SLC6A11: variants seen among roughly 807,000 people sequenced by gnomAD.
The protein encoded by SLC6A11 is solute carrier family 6 member 11, also known as sodium- and chloride-dependent GABA transporter 3.
In SLC6A11, 25 loss-of-function variants were observed where a neutral mutation model predicts 74.8. The observed-to-expected ratio is 0.33, with a 90% confidence interval of 0.24 to 0.47. SLC6A11 has a LOEUF of 0.47. Among genes scored for constraint, SLC6A11 ranks in the 20% least tolerant of loss-of-function variants. The pLI is 1.00. For synonymous variants in SLC6A11, 330 were observed against 330.2 expected (o/e 1.00, Z 0.01); for missense variants, 574 against 837.0 (o/e 0.69, Z 3.88).
chr3:10,870,615 A>G (rs966281396), intron 5 of SLC6A11, among the ~76,000 whole-genome samples: 5 of 152,214 alleles, frequency 3.3e-5, no homozygotes, highest in African/African-American at 1.2e-4. Flanking sequence ...GATGATGTCC[A>G]AGTGTCTGGC....
At chr3:10,885,301 A>G (rs1695029549) in intron 6 of SLC6A11, among the ~76,000 whole-genome samples, 1 of 152,146 alleles carries the variant, frequency 6.6e-6, no homozygotes, top group African/African-American at 2.4e-5. Flanking sequence ...GCAGGTCTGT[A>G]GAAATCTGGA....
chr3:10,839,341 A>G (rs949853006), intron 4 of SLC6A11, among the ~76,000 whole-genome samples: 1 of 152,132 alleles, frequency 6.6e-6, no homozygotes, highest in Non-Finnish European at 1.5e-5. Flanking sequence ...CCCCTGACCC[A>G]GTCTACTCTA....
chr3:10,913,040 G>A (rs1695408423), intron 7 of SLC6A11, among the ~76,000 whole-genome samples: 2 of 147,534 alleles, frequency 1.4e-5, no homozygotes, highest in Admixed American at 7.2e-5. Flanking sequence ...GTGGAGAAAG[G>A]AAGGAAGGTT....
chr3:10,830,577 T>G (rs971930), intron 4 of SLC6A11, among the ~76,000 whole-genome samples: 86,111 of 151,904 alleles, frequency 0.57, 27,156 homozygotes, highest in African/African-American at 0.82. Context: ...AGTCAGCAGG[T>G]TTAGGGGGCA....
At chr3:10,839,836 G>A (rs1183657990) in intron 4 of SLC6A11, among the ~76,000 whole-genome samples, 1 of 152,118 alleles carries the variant, frequency 6.6e-6, no homozygotes, top group Non-Finnish European at 1.5e-5. Flanking sequence ...CTTGCTCAGC[G>A]AAAGACCCAC....
intron 7 of SLC6A11, among the ~76,000 whole-genome samples, chr3:10,917,025 T>C (rs966456010): frequency 6.6e-6 from 1 of 152,174 alleles, no homozygotes. Context: ...AGAGTCCTGG[T>C]GTGTTGTTGA....
At chr3:10,935,366 G>T in intron 13 of SLC6A11, 167 bp downstream of exon 13, 1 of 621,558 alleles carries the variant, frequency 1.6e-6, no homozygotes, top group East Asian at 2.8e-5. Flanking sequence ...TGTGCCCAAG[G>T]TGTCTCTGTG....
intron 5 of SLC6A11, among the ~76,000 whole-genome samples, chr3:10,846,785 A>G (rs1224049745): frequency 6.6e-6 from 1 of 152,036 alleles, no homozygotes; most frequent in Non-Finnish European, 1.5e-5. Flanking sequence ...CGCTGCCTCT[A>G]CCTTACCAGT....
chr3:10,881,738 C>T (rs1013123405), intron 6 of SLC6A11, among the ~76,000 whole-genome samples: 5 of 152,124 alleles, frequency 3.3e-5, no homozygotes, highest in East Asian at 1.9e-4. Flanking sequence ...GAGGAGAGTC[C>T]GTTGGCACCT....
rs780162860 is a variant in SLC6A11, at chr3:10,819,765, A to G, written c.445A>G (p.Ile149Val). Residue 149 changes from isoleucine to valine, a missense_variant, in exon 3 of 14, where the codon ATC becomes GTC. Physicochemically the swap from Ile to Val is conservative, Grantham distance 29. Coordinates refer to ENST00000254488, the MANE Select transcript of SLC6A11 (RefSeq NM_014229.3). Reference protein sequence around the residue: ...IEAHLNVYYIIILAWAIFYLS... With the variant: ...IEAHLNVYYIVILAWAIFYLS... ...GGCCCATCTGAATGTGTACTACATC[A>G]TCATCCTGGCATGGGCCATTTTTTA... The G allele has an allele frequency of 6.2e-7, 1 of 1,614,226 alleles. No homozygotes were observed. Among genetic ancestry groups the G allele is most frequent in the South Asian group, 1.1e-5 (1 of 91,090 alleles).
At chr3:10,895,046 C>T (rs1029938305) in intron 6 of SLC6A11, among the ~76,000 whole-genome samples, 2 of 152,088 alleles carry the variant, frequency 1.3e-5, no homozygotes, top group South Asian at 4.1e-4. Flanking sequence ...TGTCTTCTTC[C>T]TCTGTGAAGT....
At chr3:10,922,169 C>G (rs144859034) in intron 8 of SLC6A11, among the ~76,000 whole-genome samples, 117 of 152,282 alleles carry the variant, frequency 7.7e-4, no homozygotes, top group African/African-American at 2.8e-3. Flanking sequence ...GCCTGCAGAG[C>G]ACAATTCTTT....
intron 6 of SLC6A11, among the ~76,000 whole-genome samples, chr3:10,903,796 T>C (rs1365189278): frequency 9.8e-5 from 15 of 152,354 alleles, no homozygotes; most frequent in African/African-American, 3.4e-4. Flanking sequence ...TGAAGGTTTG[T>C]TTCACAAATG....
intron 9 of SLC6A11, among the ~76,000 whole-genome samples, chr3:10,928,748 A>G (rs1019845707): frequency 6.6e-6 from 1 of 152,142 alleles, no homozygotes; most frequent in African/African-American, 2.4e-5. Context: ...CCACAGAGAC[A>G]GACCAGAGCC....
intron 9 of SLC6A11, among the ~76,000 whole-genome samples, chr3:10,928,652 G>A (rs1695642399): frequency 6.6e-6 from 1 of 152,170 alleles, no homozygotes; most frequent in Non-Finnish European, 1.5e-5. Flanking sequence ...AGAGCTGGAA[G>A]TTGGCTCACC....
At chr3:10,867,362 G>A (rs888644562) in intron 5 of SLC6A11, among the ~76,000 whole-genome samples, 2 of 152,244 alleles carry the variant, frequency 1.3e-5, no homozygotes, top group Non-Finnish European at 1.5e-5. Context: ...TAGGCTTGGA[G>A]AGATTTTTGT....
intron 6 of SLC6A11, among the ~76,000 whole-genome samples, chr3:10,897,103 A>T (rs1419328944): frequency 6.6e-6 from 1 of 152,160 alleles, no homozygotes; most frequent in Non-Finnish European, 1.5e-5. Context: ...ATTCACTACC[A>T]TGAGAACAGT....
intron 5 of SLC6A11, among the ~76,000 whole-genome samples, chr3:10,869,946 G>A (rs532080724): frequency 6.6e-6 from 1 of 152,284 alleles, no homozygotes; most frequent in South Asian, 2.1e-4. Flanking sequence ...GGGGGAAGCT[G>A]AGAAGAGAGG....
At chr3:10,875,998 C>G (rs1559568088) in intron 6 of SLC6A11, among the ~76,000 whole-genome samples, 2 of 152,216 alleles carry the variant, frequency 1.3e-5, no homozygotes, top group Non-Finnish European at 1.5e-5. Flanking sequence ...TTTGAGCAGG[C>G]AAGCAGGCAC....
Sources: gnomAD v4.1 joint callset for allele counts (sites outside exome capture counted in the v4.1 genomes callset) on GRCh38, gnomAD v4.1.1 for gene constraint, MANE v1.5 for transcripts, NCBI Gene and HGNC (gene_info 2026-07-23, HGNC 2026-07-21) for gene names.